CYP7B1: variants seen among roughly 807,000 people sequenced by gnomAD.
CYP7B1 encodes cytochrome P450 7B1.
A neutral mutation model predicts 42.7 loss-of-function variants in CYP7B1; 29 were observed. That is an observed-to-expected ratio of 0.68 (90% CI 0.51 to 0.93). The LOEUF (loss-of-function observed/expected upper bound fraction) is 0.93, where lower values mean the gene tolerates loss of function less well. Ranked by LOEUF, CYP7B1 falls within the 40% of genes least tolerant of loss-of-function variation. The pLI is 0.00. For missense variants in CYP7B1, 655 were observed against 600.5 expected, an observed-to-expected ratio of 1.09 and a Z score of -0.95; for synonymous variants, 235 against 218.2, an observed-to-expected ratio of 1.08 and a Z score of -0.68.
intron 1 of CYP7B1, among the ~76,000 whole-genome samples, chr8:64,756,493 C>T (rs115308723): frequency 5.1e-4 from 78 of 152,272 alleles, no homozygotes; most frequent in African/African-American, 1.7e-3. Context: ...ATAGGAAGAA[C>T]TATCAAAGAG....
intron 1 of CYP7B1, among the ~76,000 whole-genome samples, chr8:64,682,134 CA>C (rs1394483296): frequency 6.6e-6 from 1 of 152,090 alleles, no homozygotes; most frequent in Non-Finnish European, 1.5e-5. Flanking sequence ...AATGATAGGC[CA>C]GACAGATGGG....
intron 1 of CYP7B1, among the ~76,000 whole-genome samples, chr8:64,697,391 G>GCC (rs11398865): frequency 6.6e-6 from 1 of 152,066 alleles, no homozygotes; most frequent in Middle Eastern, 3.4e-3. Flanking sequence ...AAATGTGTAA[G>GCC]CCCCCCTCCC....
In CYP7B1 at chr8:64,615,703, G is replaced by T. The variant is rs1427405881; in HGVS notation, c.838C>A (p.Leu280Ile). The T allele has an allele frequency of 1.9e-6, 3 of 1,613,206 alleles. No homozygotes were observed. The Admixed American group carries it at 5.0e-5, about 27-fold the overall frequency. Residue 280 changes from leucine (L) to isoleucine (I), a missense_variant, in exon 3 of 6, where the codon CTT becomes ATT. Coordinates refer to ENST00000310193, the MANE Select transcript of CYP7B1 (RefSeq NM_004820.5). ...VLEKYYVHED[L>I]EIGAHHLGFL... is the part of the protein sequence containing the mutation. ...CAGAAGTTCTTACCTCCTATTTCAAGGTCCTCGTGCACATAATATTTCTCC... is the reference window on the plus strand; with the variant it reads ...CAGAAGTTCTTACCTCCTATTTCAATGTCCTCGTGCACATAATATTTCTCC...
At chr8:64,723,582 C>T (rs9650211) in intron 1 of CYP7B1, among the ~76,000 whole-genome samples, 16,025 of 152,152 alleles carry the variant, frequency 0.11, 1,116 homozygotes, top group Non-Finnish European at 0.16. Flanking sequence ...GTTGGGAACA[C>T]ATGTCCATAG....
At chr8:64,754,515 C>A (rs1807777926) in intron 1 of CYP7B1, among the ~76,000 whole-genome samples, 1 of 152,040 alleles carries the variant, frequency 6.6e-6, no homozygotes, top group African/African-American at 2.4e-5. Flanking sequence ...AAGTAGGGGT[C>A]AAGTCAGAGA....
intron 1 of CYP7B1, among the ~76,000 whole-genome samples, chr8:64,671,908 T>C (rs1185023404): frequency 1.3e-5 from 2 of 151,842 alleles, no homozygotes; most frequent in African/African-American, 2.4e-5. Flanking sequence ...AAAAGCAATA[T>C]ATGAGTGATA....
chr8:64,792,852 G>A (rs1804642141), intron 1 of CYP7B1, among the ~76,000 whole-genome samples: 1 of 152,152 alleles, frequency 6.6e-6, no homozygotes, highest in Non-Finnish European at 1.5e-5. Context: ...TATTTGGGAT[G>A]GAGTGAATGC....
At chr8:64,763,359 GA>G (rs886129366) in intron 1 of CYP7B1, among the ~76,000 whole-genome samples, 1 of 152,156 alleles carries the variant, frequency 6.6e-6, no homozygotes, top group African/African-American at 2.4e-5. Context: ...TGGAATCCAT[GA>G]GGCCAAGAAC....
intron 1 of CYP7B1, among the ~76,000 whole-genome samples, chr8:64,759,776 G>T (rs1380711996): frequency 1.3e-5 from 2 of 152,108 alleles, no homozygotes; most frequent in African/African-American, 4.8e-5. Context: ...AGATATTGCT[G>T]CTTGAAAGTC....
intron 1 of CYP7B1, among the ~76,000 whole-genome samples, chr8:64,627,266 A>G (rs1206324539): frequency 6.6e-6 from 1 of 152,212 alleles, no homozygotes; most frequent in African/African-American, 2.4e-5. Context: ...GAAATATAAG[A>G]AAACCAAAAA....
intron 1 of CYP7B1, among the ~76,000 whole-genome samples, chr8:64,772,700 A>G (rs1043372821): frequency 2.0e-5 from 3 of 152,186 alleles, no homozygotes; most frequent in Non-Finnish European, 4.4e-5. Flanking sequence ...TTTCAGAACA[A>G]AAATCAAATT....
At chr8:64,661,389 G>A (rs1408865100) in intron 1 of CYP7B1, among the ~76,000 whole-genome samples, 4 of 152,246 alleles carry the variant, frequency 2.6e-5, no homozygotes, top group East Asian at 1.9e-4. Flanking sequence ...GTTAGCTTCC[G>A]TCAGCTCAAG....
In CYP7B1 at chr8:64,606,223, G is replaced by C. The variant is rs140095932; in HGVS notation, c.1058-1366C>G. Among the ~76,000 whole-genome samples, 682 of 152,298 alleles carry C rather than the reference G, an allele frequency of 4.5e-3. 2 individuals carry two copies. The highest frequency in any genetic ancestry group is 0.016 in the African/African-American group (646 of 41,560). ...GTCAAATCGGTTTGTTGGTGATGAG[G>C]CCAGAAAAGAACTTTGGTTTTGGAA... On this transcript the variant is annotated intron_variant, in intron 4 of 5. Transcript: ENST00000310193.
At chr8:64,768,360 C>CAA (rs74274932) in intron 1 of CYP7B1, among the ~76,000 whole-genome samples, 2 of 132,154 alleles carry the variant, frequency 1.5e-5, no homozygotes, top group Non-Finnish European at 1.6e-5. Context: ...CGTGCAACTC[C>CAA]AAAAAAAAAA....
chr8:64,612,319 C>T (rs181992467), intron 4 of CYP7B1, among the ~76,000 whole-genome samples: 1 of 152,050 alleles, frequency 6.6e-6, no homozygotes, highest in East Asian at 1.9e-4. Context: ...AACCTTATAT[C>T]TACTTATTTT....
chr8:64,640,443 C>T (rs1170623727), intron 1 of CYP7B1, among the ~76,000 whole-genome samples: 1 of 152,078 alleles, frequency 6.6e-6, no homozygotes, highest in Non-Finnish European at 1.5e-5. Flanking sequence ...ATCTACAGAA[C>T]TTAAATGTTA....
chr8:64,793,341 CA>C (rs1804651390), intron 1 of CYP7B1, among the ~76,000 whole-genome samples: 1 of 151,956 alleles, frequency 6.6e-6, no homozygotes, highest in Non-Finnish European at 1.5e-5. Flanking sequence ...AGAATTTAAA[CA>C]TCTTATATTT....
At chr8:64,655,463 G>A (rs573232196) in intron 1 of CYP7B1, among the ~76,000 whole-genome samples, 20 of 152,118 alleles carry the variant, frequency 1.3e-4, no homozygotes, top group East Asian at 1.9e-4. Flanking sequence ...AATCAAAACC[G>A]CAATGAGATA....
chr8:64,738,553 C>T (rs1047981531), intron 1 of CYP7B1, among the ~76,000 whole-genome samples: 1 of 152,040 alleles, frequency 6.6e-6, no homozygotes, highest in Admixed American at 6.6e-5. Flanking sequence ...CACACGCACA[C>T]ACACACACAC....
Sources: gnomAD v4.1 joint callset for allele counts (sites outside exome capture counted in the v4.1 genomes callset) on GRCh38, gnomAD v4.1.1 for gene constraint, MANE v1.5 for transcripts, NCBI Gene and HGNC (gene_info 2026-07-23, HGNC 2026-07-21) for gene names.